Variants in CLVS1 observed in about 807,000 individuals in gnomAD.
The protein encoded by CLVS1 is clavesin-1.
In CLVS1, 10 loss-of-function variants were observed where a neutral mutation model predicts 33.1. The observed-to-expected ratio is 0.30, with a 90% CI of 0.19 to 0.51. The LOEUF (loss-of-function observed/expected upper bound fraction) is 0.51, where lower values mean the gene tolerates loss of function less well. Among genes scored for constraint, CLVS1 ranks in the 20% least tolerant of loss-of-function variants. The probability of loss-of-function intolerance (pLI) is 0.97; values close to 1 mark genes in which losing one functional copy is unlikely to be tolerated. For synonymous variants in CLVS1, 163 were observed against 166.1 expected (o/e 0.98, Z 0.14); for missense variants, 343 against 433.4 (o/e 0.79, Z 1.85).
chr8:61,049,039 G>C, the CLVS1 span, among the ~76,000 whole-genome samples: 1 of 152,144 alleles, frequency 6.6e-6, no homozygotes, highest in Non-Finnish European at 1.5e-5. Flanking sequence ...TTCCTTAGAG[G>C]ACAAAATTTA....
chr8:61,457,215 G>A (rs918930302), intron 4 of CLVS1, among the ~76,000 whole-genome samples: 23 of 152,196 alleles, frequency 1.5e-4, no homozygotes, highest in African/African-American at 5.5e-4. Context: ...GGGATTACAG[G>A]CACAAGCCAC....
the CLVS1 span, chr8:60,966,378 C>G: frequency 2.2e-6 from 1 of 456,036 alleles, no homozygotes; most frequent in Non-Finnish European, 4.4e-6. Flanking sequence ...CAGGACTTAT[C>G]TTCTGAGGTG....
intron 1 of CLVS1, among the ~76,000 whole-genome samples, chr8:61,101,163 C>A (rs1004786299): frequency 2.0e-5 from 3 of 152,142 alleles, no homozygotes; most frequent in Admixed American, 2.0e-4. Flanking sequence ...TGAAGAACTG[C>A]AAGACTTTTT....
chr8:61,441,360 A>G (rs1325752050), intron 3 of CLVS1, among the ~76,000 whole-genome samples: 2 of 152,186 alleles, frequency 1.3e-5, no homozygotes, highest in Non-Finnish European at 2.9e-5. Flanking sequence ...CGCCTGTGTC[A>G]TCTTCTCCCT....
intron 2 of CLVS1, among the ~76,000 whole-genome samples, chr8:61,312,497 ATTCT>A (rs1810863686): frequency 6.6e-6 from 1 of 152,154 alleles, no homozygotes; most frequent in African/African-American, 2.4e-5. Context: ...TTCTTTGCAC[ATTCT>A]TTCTGTTTCT....
intron 2 of CLVS1, among the ~76,000 whole-genome samples, chr8:61,351,890 A>G (rs1812482521): frequency 6.6e-6 from 1 of 151,516 alleles, no homozygotes; most frequent in South Asian, 2.1e-4. Flanking sequence ...AGAAAAAACT[A>G]AAAGAATTTG....
At chr8:61,272,330 C>T (rs1809458834) in intron 2 of CLVS1, among the ~76,000 whole-genome samples, 1 of 152,212 alleles carries the variant, frequency 6.6e-6, no homozygotes, top group Non-Finnish European at 1.5e-5. Context: ...CCCCCGCTCT[C>T]TTCTGGCTTG....
chr8:61,322,173 T>C, intron 2 of CLVS1, among the ~76,000 whole-genome samples: 1 of 152,186 alleles, frequency 6.6e-6, no homozygotes, highest in Non-Finnish European at 1.5e-5. Flanking sequence ...ATTGGATGAA[T>C]GACTAAATTC....
intron 2 of CLVS1, among the ~76,000 whole-genome samples, chr8:61,346,365 G>C (rs1268201907): frequency 6.6e-6 from 1 of 152,134 alleles, no homozygotes; most frequent in Non-Finnish European, 1.5e-5. Flanking sequence ...TGGTCTGAAA[G>C]AGCAAGGAGA....
intron 2 of CLVS1, among the ~76,000 whole-genome samples, chr8:61,154,215 T>G (rs1806605283): frequency 6.6e-6 from 1 of 151,772 alleles, no homozygotes; most frequent in Non-Finnish European, 1.5e-5. Flanking sequence ...TTTTTTGTTT[T>G]TTTTTGTTTG....
rs1804566927 is a variant in CLVS1 at position 61,500,238 on chromosome 8, T to TTCA, written c.*699_*701dup. Reference sequence around the variant, plus strand: ...ACACATGGACGTGAAATACGATTATTTCATCTGAGCAATGTGAGTTACCAC... The same window carrying TTCA: ...ACACATGGACGTGAAATACGATTATTTCATCATCTGAGCAATGTGAGTTACCAC... On this transcript the variant is annotated 3_prime_UTR_variant, in exon 6 of 6. Transcript: ENST00000325897. 6 of 152,296 alleles carry TTCA rather than the reference T, an allele frequency of 3.9e-5. No individual in the cohort carries two copies. The highest frequency in any genetic ancestry group is 2.6e-4 in the Admixed American group (4 of 15,288). The allele number at this position is 152,296 out of a possible 1,614,324, so 9.4% of individuals were successfully genotyped here.
intron 2 of CLVS1, among the ~76,000 whole-genome samples, chr8:61,313,758 G>A (rs1277201879): frequency 3.9e-5 from 6 of 152,178 alleles, no homozygotes; most frequent in African/African-American, 4.8e-5. Flanking sequence ...CCCAACAACA[G>A]CATTCCTGTT....
At chr8:61,206,086 T>G (rs573974603) in intron 2 of CLVS1, among the ~76,000 whole-genome samples, 7 of 152,328 alleles carry the variant, frequency 4.6e-5, no homozygotes, top group Non-Finnish European at 7.3e-5. Context: ...CCCAGGTCAG[T>G]ACTTTTCTAG....
At chr8:61,480,384 G>T (rs566850442) in intron 5 of CLVS1, among the ~76,000 whole-genome samples, 27 of 152,244 alleles carry the variant, frequency 1.8e-4, no homozygotes, top group Non-Finnish European at 3.7e-4. Flanking sequence ...CTCCGAGCCA[G>T]GTGCAGGATA....
At chr8:61,211,340 C>T (rs1807966688) in intron 2 of CLVS1, among the ~76,000 whole-genome samples, 1 of 151,566 alleles carries the variant, frequency 6.6e-6, no homozygotes, top group Non-Finnish European at 1.5e-5. Flanking sequence ...TCCTTCCTCT[C>T]CCTCCTTCTT....
intron 2 of CLVS1, among the ~76,000 whole-genome samples, chr8:61,202,023 A>C (rs973835884): frequency 6.6e-6 from 1 of 152,208 alleles, no homozygotes; most frequent in Non-Finnish European, 1.5e-5. Context: ...AGCAACTTAG[A>C]ACTTTTTAAA....
intron 1 of CLVS1, among the ~76,000 whole-genome samples, chr8:61,128,243 TCTCA>T (rs1806015898): frequency 6.6e-6 from 1 of 152,260 alleles, no homozygotes; most frequent in Non-Finnish European, 1.5e-5. Context: ...GTTACTGTGA[TCTCA>T]CTTGTTTCCA....
chr8:61,482,679 A>G (rs958039683), intron 5 of CLVS1, among the ~76,000 whole-genome samples: 2 of 152,212 alleles, frequency 1.3e-5, no homozygotes, highest in African/African-American at 4.8e-5. Flanking sequence ...AGAAATGAAC[A>G]AAGCCTCCAA....
intron 3 of CLVS1, among the ~76,000 whole-genome samples, chr8:61,432,098 C>A (rs1816136427): frequency 1.3e-5 from 2 of 152,122 alleles, no homozygotes; most frequent in Admixed American, 1.3e-4. Context: ...CAATGCTCAT[C>A]TATGTTATAA....
Sources: gnomAD v4.1 joint callset for allele counts (sites outside exome capture counted in the v4.1 genomes callset) on GRCh38, gnomAD v4.1.1 for gene constraint, MANE v1.5 for transcripts, NCBI Gene and HGNC (gene_info 2026-07-23, HGNC 2026-07-21) for gene names.